The following CLNK variants were observed in gnomAD, a reference collection of about 807,000 sequenced individuals.
The protein encoded by CLNK is cytokine dependent hematopoietic cell linker, also known as cytokine-dependent hematopoietic cell linker.
A neutral mutation model predicts 68.6 loss-of-function variants in CLNK; 74 were observed. The ratio of observed to expected loss-of-function variants is 1.08; its 90% confidence interval spans 0.89 to 1.31. The LOEUF is 1.31. Among genes scored for constraint, CLNK ranks in the 50% most tolerant of loss-of-function variants. The pLI, the probability that CLNK is intolerant of heterozygous loss-of-function variation, is 0.00. For missense variants in CLNK, 553 were observed against 515.3 expected, an observed-to-expected ratio of 1.07 and a Z score of -0.71; for synonymous variants, 198 against 172.2, an observed-to-expected ratio of 1.15 and a Z score of -1.17.
At chr4:10,695,298 A>G in the CLNK span, among the ~76,000 whole-genome samples, 1 of 152,234 alleles carries the variant, frequency 6.6e-6, no homozygotes. Flanking sequence ...CTCCTTAAAT[A>G]TATGGACAAT....
the CLNK span, among the ~76,000 whole-genome samples, chr4:10,710,399 T>G: frequency 6.6e-6 from 1 of 152,202 alleles, no homozygotes; most frequent in African/African-American, 2.4e-5. Context: ...CTAAGTAAAC[T>G]GAAGCAAAGA....
At position 10,514,014 on chromosome 4, in the gene CLNK, C is replaced by A. The variant is rs1274464286; in HGVS notation, c.773-417G>T. The stretch of plus-strand genomic sequence containing the variant: ...CCAATGCTATCCCTCCCCCCTCCCC[C>A]CTCCCCACCACAGTCCCCAGAGTGT... On this transcript the variant is annotated intron_variant, in intron 15 of 18. Coordinates refer to ENST00000226951, the MANE Select transcript of CLNK (RefSeq NM_052964.4). Among the ~76,000 whole-genome samples, 3 of 108,000 alleles carry A rather than the reference C, an allele frequency of 2.8e-5. No homozygotes were observed. In the East Asian group the frequency reaches 9.8e-4, roughly 35 times the overall value. 70.9% of individuals were successfully genotyped at this position (108,000 alleles called of 152,430 possible).
At chr4:10,523,989 C>A in intron 14 of CLNK, 1 of 326,354 alleles carries the variant, frequency 3.1e-6, no homozygotes, top group Non-Finnish European at 6.2e-6. Flanking sequence ...TGTGCCACTA[C>A]AAGACAGAAT....
At chr4:10,560,272 C>T (rs1217452835) in intron 7 of CLNK, among the ~76,000 whole-genome samples, 1 of 152,190 alleles carries the variant, frequency 6.6e-6, no homozygotes, top group Non-Finnish European at 1.5e-5. Context: ...ACCCCTATTG[C>T]TAAGCACAGA....
intron 5 of CLNK, among the ~76,000 whole-genome samples, chr4:10,568,599 G>T (rs1720216713): frequency 6.6e-6 from 1 of 152,192 alleles, no homozygotes; most frequent in African/African-American, 2.4e-5. Flanking sequence ...TCTGGCAGAA[G>T]GACAATTTAG....
chr4:10,644,929 C>T (rs887893422), intron 2 of CLNK, among the ~76,000 whole-genome samples: 5 of 152,242 alleles, frequency 3.3e-5, no homozygotes, highest in South Asian at 2.1e-4. Flanking sequence ...ATGAAAAGGG[C>T]GTTTATGCCA....
At chr4:10,660,658 C>A in intron 2 of CLNK, among the ~76,000 whole-genome samples, 1 of 152,122 alleles carries the variant, frequency 6.6e-6, no homozygotes, top group Non-Finnish European at 1.5e-5. Flanking sequence ...GGAAGTTTCC[C>A]AAGTGGTGAT....
intron 18 of CLNK, among the ~76,000 whole-genome samples, chr4:10,492,680 G>T (rs1716632696): frequency 6.6e-6 from 1 of 152,106 alleles, no homozygotes; most frequent in Non-Finnish European, 1.5e-5. Flanking sequence ...GACTTCCAGG[G>T]TCATCTCCTC....
At chr4:10,705,212 C>T in the CLNK span, among the ~76,000 whole-genome samples, 274 of 152,224 alleles carry the variant, frequency 1.8e-3, no homozygotes, top group African/African-American at 6.0e-3. Context: ...AGGCTGCATT[C>T]CTTCTGCAGT....
chr4:10,517,776 C>G (rs1354054502), intron 15 of CLNK, among the ~76,000 whole-genome samples: 3 of 152,080 alleles, frequency 2.0e-5, no homozygotes, highest in Admixed American at 6.6e-5. Context: ...TAAAAGTCCT[C>G]CTTGAAAAAG....
At chr4:10,712,753 T>C in the CLNK span, among the ~76,000 whole-genome samples, 1 of 152,182 alleles carries the variant, frequency 6.6e-6, no homozygotes. Flanking sequence ...TACCCCAAAT[T>C]GCTTCTATAG....
At chr4:10,585,752 G>A (rs114063215) in intron 3 of CLNK, among the ~76,000 whole-genome samples, 1,844 of 152,228 alleles carry the variant, frequency 0.012, 34 homozygotes, top group African/African-American at 0.041. Flanking sequence ...AGGAGTTCAC[G>A]TCCAACCTGG....
intron 2 of CLNK, among the ~76,000 whole-genome samples, chr4:10,607,754 C>T (rs570542256): frequency 2.6e-5 from 4 of 152,196 alleles, no homozygotes; most frequent in Admixed American, 1.3e-4. Context: ...GACAATGAGT[C>T]CAGGGACAGC....
Position 10,487,578 on chromosome 4 carries a change from A to G in CLNK, c.*2889T>C, listed in dbSNP as rs913605071. On this transcript the variant is annotated 3_prime_UTR_variant, in exon 19 of 19. Transcript: ENST00000226951. ...CTTGCTGGCCAGCAAGTTAGTGGAC[A>G]GCGTCCAGCTGCGCCTTCTGGATTG... The G allele has an allele frequency of 7.9e-5, 12 of 151,868 alleles. No homozygotes were observed. The highest frequency in any genetic ancestry group is 2.9e-4 in the African/African-American group (12 of 41,336). The allele number at this position is 151,868 out of a possible 1,614,324, so 9.4% of individuals were successfully genotyped here.
chr4:10,565,394 T>G (rs148242363), intron 6 of CLNK, among the ~76,000 whole-genome samples: 138 of 152,350 alleles, frequency 9.1e-4, no homozygotes, highest in South Asian at 2.1e-3. Flanking sequence ...GAATACTTCC[T>G]CTTTCCCCTT....
rs137939699 is a variant in CLNK, at chr4:10,606,113, T to C, written c.12-8064A>G. 4.0e-4 allele frequency among the ~76,000 whole-genome samples: 61 copies of C among 152,372 alleles called. 1 individual carries two copies. The highest frequency in any genetic ancestry group is 1.4e-3 in the African/African-American group (60 of 41,604). ...AAAATGTTGACTCTTGTAATAACAC[T>C]TAAAACAAAAACACATTGTATAGCT... On this transcript the variant is annotated intron_variant, in intron 2 of 18. Coordinates refer to ENST00000226951, the MANE Select transcript of CLNK (RefSeq NM_052964.4).
At chr4:10,499,616 T>C (rs544223918) in intron 18 of CLNK, among the ~76,000 whole-genome samples, 13 of 152,338 alleles carry the variant, frequency 8.5e-5, no homozygotes, top group African/African-American at 3.1e-4. Flanking sequence ...ACAATCGGTA[T>C]CTGTGTGAAA....
At chr4:10,727,770 G>T in the CLNK span, among the ~76,000 whole-genome samples, 1 of 152,182 alleles carries the variant, frequency 6.6e-6, no homozygotes, top group East Asian at 1.9e-4. Flanking sequence ...TGTAAATAAT[G>T]GAACACCAGG....
At chr4:10,518,427 C>T (rs560699425) in intron 15 of CLNK, among the ~76,000 whole-genome samples, 7 of 152,100 alleles carry the variant, frequency 4.6e-5, no homozygotes, top group Non-Finnish European at 1.0e-4. Flanking sequence ...ATTTAATTTA[C>T]CCTTATACAC....
Sources: allele counts gnomAD v4.1 joint callset (sites outside exome capture counted in the v4.1 genomes callset), GRCh38; gene constraint gnomAD v4.1.1; transcripts MANE v1.5; gene names NCBI Gene and HGNC (gene_info 2026-07-23, HGNC 2026-07-21).